The following DOK6 variants were observed in gnomAD, a reference collection of about 807,000 sequenced individuals.
The protein encoded by DOK6 is downstream of tyrosine kinase 6.
DOK6 carries 22 observed loss-of-function variants against 44.0 expected under a neutral mutation model. That is an observed-to-expected ratio of 0.50 (90% CI 0.36 to 0.71). The LOEUF (loss-of-function observed/expected upper bound fraction) is 0.71. Ranked by LOEUF, DOK6 falls within the 30% of genes least tolerant of loss-of-function variation. The pLI, the probability that DOK6 is intolerant of heterozygous loss-of-function variation, is 0.00. For synonymous variants in DOK6, 166 were observed against 145.5 expected (o/e 1.14, Z -1.01); for missense variants, 340 against 416.4 (o/e 0.82, Z 1.60).
chr18:69,609,750 A>G (rs925123716), intron 3 of DOK6, among the ~76,000 whole-genome samples: 3 of 152,202 alleles, frequency 2.0e-5, no homozygotes, highest in East Asian at 3.8e-4. Context: ...ACTATTCACA[A>G]CAGCCAAGAT....
At chr18:69,546,585 A>G (rs1324815145) in intron 1 of DOK6, among the ~76,000 whole-genome samples, 2 of 151,644 alleles carry the variant, frequency 1.3e-5, no homozygotes, top group African/African-American at 2.4e-5. Flanking sequence ...AAGAAAATAC[A>G]ATCGTATTTC....
intron 7 of DOK6, among the ~76,000 whole-genome samples, chr18:69,811,237 C>T (rs76680428): frequency 0.035 from 5,253 of 151,730 alleles, 111 homozygotes; most frequent in Middle Eastern, 0.099. Flanking sequence ...ATCTCACTTA[C>T]GTATGGAATC....
At chr18:69,528,688 T>C (rs1190513368) in intron 1 of DOK6, among the ~76,000 whole-genome samples, 7 of 152,250 alleles carry the variant, frequency 4.6e-5, no homozygotes, top group African/African-American at 1.7e-4. Context: ...CCATAGACTG[T>C]ATCCATCATC....
chr18:69,449,218 G>C (rs1250445727), intron 1 of DOK6, among the ~76,000 whole-genome samples: 1 of 152,076 alleles, frequency 6.6e-6, no homozygotes, highest in South Asian at 2.1e-4. Context: ...GTCTACTTTT[G>C]GTATAATACT....
intron 7 of DOK6, among the ~76,000 whole-genome samples, chr18:69,826,222 T>C (rs1361284028): frequency 6.6e-6 from 1 of 152,200 alleles, no homozygotes; most frequent in Non-Finnish European, 1.5e-5. Context: ...GATATGTGAT[T>C]ATATTTGACC....
At chr18:69,498,741 G>A (rs1980966586) in intron 1 of DOK6, among the ~76,000 whole-genome samples, 2 of 152,068 alleles carry the variant, frequency 1.3e-5, no homozygotes, top group African/African-American at 4.8e-5. Flanking sequence ...GTACTTCATG[G>A]TTAATTCTTC....
chr18:69,528,149 C>T (rs1383235730), intron 1 of DOK6, among the ~76,000 whole-genome samples: 5 of 126,604 alleles, frequency 3.9e-5, no homozygotes, highest in Admixed American at 9.6e-5. Flanking sequence ...GGTGACAGAG[C>T]GAGACTCTGT....
intron 2 of DOK6, among the ~76,000 whole-genome samples, chr18:69,574,377 A>AT (rs1339959074): frequency 6.6e-6 from 1 of 152,094 alleles, no homozygotes; most frequent in Non-Finnish European, 1.5e-5. Flanking sequence ...AGTAAGGTTT[A>AT]TAAATAGCTA....
At chr18:69,701,315 C>A (rs762309194) in intron 5 of DOK6, among the ~76,000 whole-genome samples, 16 of 152,228 alleles carry the variant, frequency 1.1e-4, no homozygotes. Context: ...CACATCAGCT[C>A]GGAGCAATTG....
At chr18:69,415,815 AC>A (rs1218481073) in intron 1 of DOK6, among the ~76,000 whole-genome samples, 1 of 152,126 alleles carries the variant, frequency 6.6e-6, no homozygotes, top group Non-Finnish European at 1.5e-5. Flanking sequence ...CCTCAACCTT[AC>A]GATTCATATA....
Position 69,591,923 on chromosome 18 carries a change from G to T in DOK6, c.175-7461G>T, listed in dbSNP as rs1983631291. ...TTTCTTCATATGTTCTTAATCAAAA[G>T]AATATATTAAACAGATTAAACTCAG... is the stretch of plus-strand genomic sequence containing the variant. On this transcript the variant is annotated intron_variant, in intron 2 of 7. Coordinates refer to ENST00000382713, the MANE Select transcript of DOK6 (RefSeq NM_152721.6). Among the ~76,000 whole-genome samples the T allele has an allele frequency of 2.0e-5, 3 of 152,172 alleles. No homozygotes were observed. The South Asian group carries it at 6.2e-4, about 32-fold the overall frequency.
rs1978555385 is a variant in DOK6, at chr18:69,735,003, T to C, written c.600-3962T>C. On this transcript the variant is annotated intron_variant, in intron 5 of 7. Transcript: ENST00000382713. ...CTCCAGAAAATTCCTCCACGCACCATGTTAGGGCTGATTCTGCCCTTGAAG... is the reference window on the plus strand; with the variant it reads ...CTCCAGAAAATTCCTCCACGCACCACGTTAGGGCTGATTCTGCCCTTGAAG... 2.6e-5 allele frequency among the ~76,000 whole-genome samples: 4 copies of C among 152,214 alleles called. No individual in the cohort carries two copies. The South Asian group carries it at 8.3e-4, about 31-fold the overall frequency.
In DOK6 at chr18:69,677,844, G is replaced by T; in HGVS notation, c.400G>T (p.Glu134Ter). Reference protein sequence around the residue: ...PDLLAAGVQREQNERFNVYLM... With the variant: ...PDLLAAGVQR Reference sequence around the variant, plus strand: ...CCTTCTGGCCGCAGGAGTGCAGCGGGAACAGAATGGTAGGTGTGAGATTGC... The same window carrying T: ...CCTTCTGGCCGCAGGAGTGCAGCGGTAACAGAATGGTAGGTGTGAGATTGC... Residue 134 changes from glutamate to a stop codon, truncating the protein, a stop_gained, in exon 4 of 8, where the codon GAA (glutamate) becomes TAA (stop). Transcript: ENST00000382713. LOFTEE classifies it high-confidence loss of function. 6.2e-7 allele frequency: 1 copy of T among 1,613,324 alleles called. No individual in the cohort carries two copies. Among genetic ancestry groups the T allele is most frequent in the Non-Finnish European group, 8.5e-7 (1 of 1,179,560 alleles).
chr18:69,516,847 T>TA, intron 1 of DOK6, among the ~76,000 whole-genome samples: 1 of 150,872 alleles, frequency 6.6e-6, no homozygotes, highest in South Asian at 2.1e-4. Context: ...GGCTAATTTT[T>TA]TTTTTTTTTT....
chr18:69,743,894 T>C (rs144120777), intron 6 of DOK6, among the ~76,000 whole-genome samples: 217 of 151,956 alleles, frequency 1.4e-3, no homozygotes, highest in African/African-American at 5.0e-3. Flanking sequence ...AGAAAAGCTC[T>C]GTATACAGTG....
intron 7 of DOK6, among the ~76,000 whole-genome samples, chr18:69,768,948 G>GGTGTGTGTGTGTGTGTGTGTGT (rs1341229658): frequency 5.3e-5 from 2 of 37,646 alleles, no homozygotes; most frequent in Non-Finnish European, 2.2e-4. Flanking sequence ...AGATTTGAAG[G>GGTGTGTGTGTGTGTGTGTGTGT]GTGTGCGTGT....
At chr18:69,800,571 A>G (rs1355196067) in intron 7 of DOK6, among the ~76,000 whole-genome samples, 1 of 152,132 alleles carries the variant, frequency 6.6e-6, no homozygotes, top group African/African-American at 2.4e-5. Context: ...GTTCATGTGA[A>G]TATTTTGTCT....
At chr18:69,449,153 T>A (rs1979381859) in intron 1 of DOK6, among the ~76,000 whole-genome samples, 1 of 152,244 alleles carries the variant, frequency 6.6e-6, no homozygotes, top group Non-Finnish European at 1.5e-5. Context: ...TAGTTTTTGT[T>A]ATTCTTGTAT....
rs532809542 is a variant in DOK6 at position 69,611,467 on chromosome 18, CA to C, written c.289+11975del. Among the ~76,000 whole-genome samples the C allele has an allele frequency of 7.6e-3, 1,153 of 150,986 alleles. 16 individuals are homozygous for C. Among genetic ancestry groups the C allele is most frequent in the African/African-American group, 0.027 (1,106 of 41,018 alleles). ...AAATTACACTCTTAGGCATTTATCC[CA>C]AAAAAGGAAAAAGAAACAAGTACAC... is the stretch of plus-strand genomic sequence containing the variant. On this transcript the variant is annotated intron_variant, in intron 3 of 7. Transcript: ENST00000382713.
Sources: gnomAD v4.1 joint callset for allele counts (sites outside exome capture counted in the v4.1 genomes callset) on GRCh38, gnomAD v4.1.1 for gene constraint, MANE v1.5 for transcripts, NCBI Gene and HGNC (gene_info 2026-07-23, HGNC 2026-07-21) for gene names.